The following NELL1 variants were observed in gnomAD, a reference collection of about 807,000 sequenced individuals.
NELL1 encodes neural EGFL like 1.
NELL1 carries 76 observed loss-of-function variants against 107.4 expected under a neutral mutation model. The ratio of observed to expected loss-of-function variants is 0.71; its 90% confidence interval spans 0.59 to 0.86. NELL1 has a LOEUF of 0.86. NELL1 is among the 40% of genes least tolerant of loss of function. The probability of loss-of-function intolerance (pLI) is 0.00; values close to 1 mark genes in which losing one functional copy is unlikely to be tolerated. For synonymous variants in NELL1, 353 were observed against 341.2 expected, an observed-to-expected ratio of 1.03 and a Z score of -0.38; for missense variants, 1,024 against 1,005.5, an observed-to-expected ratio of 1.02 and a Z score of -0.25.
At chr11:20,697,754 C>T (rs1228853160) in intron 2 of NELL1, among the ~76,000 whole-genome samples, 1 of 152,102 alleles carries the variant, frequency 6.6e-6, no homozygotes, top group Non-Finnish European at 1.5e-5. Context: ...AAAGAAATTT[C>T]TTACTGGATG....
At chr11:21,494,590 A>G (rs1276014487) in intron 15 of NELL1, among the ~76,000 whole-genome samples, 2 of 151,934 alleles carry the variant, frequency 1.3e-5, no homozygotes, top group Non-Finnish European at 2.9e-5. Flanking sequence ...TGGGAAATAT[A>G]TATGTGCGTG....
At chr11:21,371,026 T>C in intron 15 of NELL1, 78 bp downstream of exon 15, 1 of 1,086,886 alleles carries the variant, frequency 9.2e-7, no homozygotes, top group Non-Finnish European at 1.4e-6. Flanking sequence ...CAGCTCTTTC[T>C]TTAGAAATAA....
chr11:20,755,563 T>TATTTA (rs1590264055), intron 2 of NELL1, among the ~76,000 whole-genome samples: 47 of 19,128 alleles, frequency 2.5e-3, no homozygotes, highest in East Asian at 6.5e-3. Flanking sequence ...TTTGTTTTTG[T>TATTTA]TTTTTTTTTT....
chr11:21,397,976 G>C (rs953673340), intron 15 of NELL1, among the ~76,000 whole-genome samples: 1 of 151,322 alleles, frequency 6.6e-6, no homozygotes. Context: ...TGAGAAATAA[G>C]CTACCTAGTC....
chr11:20,725,127 C>T (rs1261116825), intron 2 of NELL1, among the ~76,000 whole-genome samples: 2 of 152,140 alleles, frequency 1.3e-5, no homozygotes, highest in East Asian at 1.9e-4. Flanking sequence ...GGACACAGAG[C>T]CAAATTATAT....
At chr11:20,688,609 A>G (rs1854369204) in intron 2 of NELL1, among the ~76,000 whole-genome samples, 2 of 152,112 alleles carry the variant, frequency 1.3e-5, no homozygotes, top group South Asian at 2.1e-4. Flanking sequence ...ATACATATAT[A>G]CCACATTTTC....
chr11:20,852,016 G>T (rs545097394), intron 4 of NELL1, among the ~76,000 whole-genome samples: 5 of 152,232 alleles, frequency 3.3e-5, no homozygotes, highest in Admixed American at 6.5e-5. Flanking sequence ...GCAGCTAAGA[G>T]ATGGATGGCT....
At position 20,677,950 on chromosome 11, in the gene NELL1, A is replaced by G. The variant is rs1208547953; in HGVS notation, c.74A>G (p.Asp25Gly). 1 of 1,614,062 alleles carries G rather than the reference A, an allele frequency of 6.2e-7. No homozygotes were observed. The highest frequency in any genetic ancestry group is 8.5e-7 in the Non-Finnish European group (1 of 1,179,998). ...TARTVVGFGM[D>G]PDLQMDIVTE... ...TTTCCAGTGGTGGGCTTTGGGATGG[A>G]CCCTGACCTTCAGATGGATATCGTC... Residue 25 changes from aspartate to glycine, a missense_variant, in exon 2 of 20, where the codon GAC becomes GGC. By Grantham distance (94) the Asp-to-Gly change is moderately conservative. Transcript: ENST00000357134.
At chr11:20,849,669 T>C (rs1848761620) in intron 4 of NELL1, among the ~76,000 whole-genome samples, 1 of 152,220 alleles carries the variant, frequency 6.6e-6, no homozygotes, top group South Asian at 2.1e-4. Flanking sequence ...GAGGGAAAAC[T>C]TATGAAGTTG....
chr11:21,366,074 G>A (rs1039299468), intron 14 of NELL1, among the ~76,000 whole-genome samples: 3 of 152,040 alleles, frequency 2.0e-5, no homozygotes, highest in African/African-American at 4.8e-5. Flanking sequence ...TGTTTGAGGG[G>A]CGTTTGATAA....
intron 14 of NELL1, among the ~76,000 whole-genome samples, chr11:21,245,010 A>G (rs1327520676): frequency 6.6e-6 from 1 of 152,136 alleles, no homozygotes; most frequent in Non-Finnish European, 1.5e-5. Flanking sequence ...GCCATTAGGT[A>G]TCTATCTATC....
intron 13 of NELL1, among the ~76,000 whole-genome samples, chr11:21,222,386 CG>C (rs1857780818): frequency 6.6e-6 from 1 of 150,638 alleles, no homozygotes; most frequent in Admixed American, 6.6e-5. Flanking sequence ...TTAGTAGAGA[CG>C]GGGTTTCACC....
At chr11:20,724,650 A>G (rs1312382015) in intron 2 of NELL1, among the ~76,000 whole-genome samples, 3 of 152,172 alleles carry the variant, frequency 2.0e-5, no homozygotes, top group Non-Finnish European at 4.4e-5. Flanking sequence ...GCATTTGGTC[A>G]AAACCATTCA....
chr11:21,522,951 TCTCCTACCTCAGG>T (rs1855766497), intron 15 of NELL1, among the ~76,000 whole-genome samples: 1 of 149,342 alleles, frequency 6.7e-6, no homozygotes, highest in African/African-American at 2.5e-5. Flanking sequence ...TTCACGCCAT[TCTCCTACCTCAGG>T]CTCCCGAGTA....
chr11:20,793,693 T>C lies in NELL1; in HGVS notation c.335+9863T>C, dbSNP rs1168545532. Among the ~76,000 whole-genome samples the C allele has an allele frequency of 2.0e-5, 3 of 152,320 alleles. No individual in the cohort carries two copies. In the East Asian group the frequency reaches 5.8e-4, roughly 29 times the overall value. On this transcript the variant is annotated intron_variant, in intron 3 of 19. Coordinates refer to ENST00000357134, the MANE Select transcript of NELL1 (RefSeq NM_006157.5). Reference sequence around the variant, plus strand: ...TGTTTTTATTTTCTGTACTTTTCTATAGCTCTTAATTTCATTTTGGCTTCC... The same window carrying C: ...TGTTTTTATTTTCTGTACTTTTCTACAGCTCTTAATTTCATTTTGGCTTCC...
intron 13 of NELL1, among the ~76,000 whole-genome samples, chr11:21,115,165 A>G (rs1465120202): frequency 6.6e-6 from 1 of 152,018 alleles, no homozygotes; most frequent in Non-Finnish European, 1.5e-5. Flanking sequence ...TATATGGAAC[A>G]AGATGGAAAA....
chr11:21,394,496 C>G (rs1359707830), intron 15 of NELL1, among the ~76,000 whole-genome samples: 1 of 151,096 alleles, frequency 6.6e-6, no homozygotes. Flanking sequence ...AGGGGCTTGT[C>G]CAAGACAGAC....
In NELL1 at chr11:20,887,497, T is replaced by C. The variant is rs371092528; in HGVS notation, c.603+1957T>C. On this transcript the variant is annotated intron_variant, in intron 5 of 19. Coordinates refer to ENST00000357134, the MANE Select transcript of NELL1 (RefSeq NM_006157.5). The stretch of plus-strand genomic sequence containing the variant: ...GAAAATTTCAGTTAGAGCTTTAAAT[T>C]TCAACCGTCTGTGTGGGATGGGAGA... Among the ~76,000 whole-genome samples, 34 of 152,296 alleles carry C rather than the reference T, an allele frequency of 2.2e-4. No individual in the cohort carries two copies. In the East Asian group the frequency reaches 5.4e-3, roughly 24 times the overall value.
chr11:21,387,330 C>CT (rs1394214051), intron 15 of NELL1, among the ~76,000 whole-genome samples: 1 of 151,846 alleles, frequency 6.6e-6, no homozygotes, highest in Non-Finnish European at 1.5e-5. Flanking sequence ...AAAAGTATCA[C>CT]TAATCTATCT....
Sources: gnomAD v4.1 joint callset for allele counts (sites outside exome capture counted in the v4.1 genomes callset) on GRCh38, gnomAD v4.1.1 for gene constraint, MANE v1.5 for transcripts, NCBI Gene and HGNC (gene_info 2026-07-23, HGNC 2026-07-21) for gene names.